TMC2: variants seen among roughly 807,000 people sequenced by gnomAD.
TMC2 encodes transmembrane channel like 2, also known as transmembrane channel-like protein 2.
Under a neutral mutation model 105.9 loss-of-function variants are expected in TMC2, and 102 were observed. The ratio of observed to expected loss-of-function variants is 0.96; its 90% confidence interval spans 0.82 to 1.14. The LOEUF (loss-of-function observed/expected upper bound fraction) is 1.14, where lower values mean the gene tolerates loss of function less well. Ranked by LOEUF, TMC2 falls within the 50% of genes most tolerant of loss-of-function variation. TMC2 has a pLI of 0.00. For missense variants in TMC2, 1,093 were observed against 1,134.3 expected, an observed-to-expected ratio of 0.96 and a Z score of 0.52; for synonymous variants, 402 against 422.8, an observed-to-expected ratio of 0.95 and a Z score of 0.60.
At chr20:2,634,980 C>T (rs764687955) in intron 17 of TMC2, among the ~76,000 whole-genome samples, 8 of 152,180 alleles carry the variant, frequency 5.3e-5, no homozygotes, top group Non-Finnish European at 1.0e-4. Context: ...GATGGCCTAG[C>T]CCTGAGGGGG....
At chr20:2,562,189 A>C (rs1009904917) in intron 4 of TMC2, among the ~76,000 whole-genome samples, 179 bp downstream of exon 4, 1 of 152,244 alleles carries the variant, frequency 6.6e-6, no homozygotes, top group Non-Finnish European at 1.5e-5. Context: ...CCAGCACCAC[A>C]GGGCCTAGAG....
chr20:2,604,933 T>C (rs2146227555), intron 11 of TMC2, among the ~76,000 whole-genome samples: 1 of 152,306 alleles, frequency 6.6e-6, no homozygotes, highest in African/African-American at 2.4e-5. Flanking sequence ...AATTAAATTG[T>C]TTTCCTGAAT....
At chr20:2,552,967 G>A (rs781106131) in intron 2 of TMC2, among the ~76,000 whole-genome samples, 4 of 152,166 alleles carry the variant, frequency 2.6e-5, no homozygotes, top group African/African-American at 4.8e-5. Flanking sequence ...TTGGTTCTAG[G>A]AGGTTCTTGT....
rs151008949 is a variant in TMC2 at position 2,643,271 on chromosome 20, T to G, written c.*1920T>G. ...CCTCAGTACAGGGATCCTGGCACTG[T>G]AACCCAACCAATCAGGACCAGAAGG... On this transcript the variant is annotated 3_prime_UTR_variant, in exon 20 of 20. Coordinates refer to ENST00000358864, the MANE Select transcript of TMC2 (RefSeq NM_080751.3). 2.6e-5 allele frequency among the ~76,000 whole-genome samples: 4 copies of G among 152,202 alleles called. No individual in the cohort carries two copies. Among genetic ancestry groups the G allele is most frequent in the African/African-American group, 9.6e-5 (4 of 41,522 alleles).
At chr20:2,549,016 T>C (rs1436404916) in intron 2 of TMC2, among the ~76,000 whole-genome samples, 1 of 152,198 alleles carries the variant, frequency 6.6e-6, no homozygotes, top group East Asian at 1.9e-4. Flanking sequence ...AATTAGTTCA[T>C]TTGCCAAATT....
At chr20:2,560,624 T>C (rs2086019319) in intron 3 of TMC2, among the ~76,000 whole-genome samples, 1 of 151,738 alleles carries the variant, frequency 6.6e-6, no homozygotes, top group Non-Finnish European at 1.5e-5. Flanking sequence ...GATCGCGAGG[T>C]CAGGAGATCG....
chr20:2,576,458 G>A (rs2086145110), intron 5 of TMC2, among the ~76,000 whole-genome samples: 1 of 152,180 alleles, frequency 6.6e-6, no homozygotes, highest in East Asian at 1.9e-4. Context: ...GGTTGCCAAG[G>A]AACCGACCGG....
chr20:2,589,338 T>C (rs2146208017), intron 7 of TMC2, among the ~76,000 whole-genome samples: 1 of 107,042 alleles, frequency 9.3e-6, no homozygotes, highest in East Asian at 3.3e-4. Context: ...ATGGGGTTTT[T>C]CCATGTTGCC....
chr20:2,602,113 G>GAATC lies in TMC2; in HGVS notation c.1229_1232dup (p.Val412AsnfsTer4). The GAATC allele has an allele frequency of 1.2e-6, 2 of 1,606,248 alleles. No individual in the cohort carries two copies. The highest frequency in any genetic ancestry group is 8.5e-7 in the Non-Finnish European group (1 of 1,175,814). ...GCACATCTCATTTTCACACATTAAG[G>GAATC]AATCAATAGTGGATGAACAAGAGAG... On this transcript the variant is annotated frameshift_variant and splice_region_variant, in exon 11 of 20. Coordinates refer to ENST00000358864, the MANE Select transcript of TMC2 (RefSeq NM_080751.3). LOFTEE classifies it high-confidence loss of function.
chr20:2,562,672 C>A (rs1319480573), intron 4 of TMC2, among the ~76,000 whole-genome samples: 2 of 152,150 alleles, frequency 1.3e-5, no homozygotes, highest in Admixed American at 6.5e-5. Flanking sequence ...TTTAAAATAA[C>A]AGTAGACTCA....
intron 16 of TMC2, among the ~76,000 whole-genome samples, chr20:2,619,036 G>A (rs1000289477): frequency 4.6e-5 from 7 of 152,078 alleles, no homozygotes; most frequent in African/African-American, 9.7e-5. Context: ...GGCCTCACCC[G>A]CCTCACTCTA....
rs1327828899 is a variant in TMC2 at position 2,592,186 on chromosome 20, A to G, written c.835-124A>G. The G allele has an allele frequency of 3.4e-6, 2 of 593,364 alleles. No individual in the cohort carries two copies. The highest frequency in any genetic ancestry group is 2.9e-5 in the Admixed American group (1 of 34,100). 36.8% of individuals were successfully genotyped at this position (593,364 alleles called of 1,614,324 possible). A position where few individuals can be genotyped will look rare whatever the true frequency, so the allele number is the denominator to read the frequency against. ...AAAAATGAATTAAATTAATAAATAC[A>G]TAAAGAAAGAAGAAAATAGGTGTAT... is the stretch of plus-strand genomic sequence containing the variant. On this transcript the variant is annotated intron_variant, in intron 7 of 19. Transcript: ENST00000358864. This position sits in a 1 kb window ranked among gnomAD's most constrained non-coding sequence, Gnocchi z 4.9.
intron 5 of TMC2, among the ~76,000 whole-genome samples, chr20:2,576,258 T>C (rs2086143532): frequency 6.6e-6 from 1 of 152,112 alleles, no homozygotes; most frequent in African/African-American, 2.4e-5. Flanking sequence ...AGCAACCACC[T>C]CACACAGGCC....
intron 14 of TMC2, chr20:2,613,582 T>TG (rs2086459594): frequency 2.3e-6 from 1 of 436,476 alleles, no homozygotes; most frequent in African/African-American, 2.0e-5. Flanking sequence ...TAGGGGAAAG[T>TG]GGACCACACA....
chr20:2,617,420 T>C (rs1600134338), intron 16 of TMC2, 109 bp downstream of exon 16: 3 of 1,437,808 alleles, frequency 2.1e-6, no homozygotes, highest in East Asian at 2.3e-5. Flanking sequence ...TAAAAGGCCA[T>C]GGAACTTTGG....
intron 2 of TMC2, among the ~76,000 whole-genome samples, chr20:2,542,969 G>A (rs1667591207): frequency 6.6e-6 from 1 of 152,032 alleles, no homozygotes; most frequent in Admixed American, 6.6e-5. Flanking sequence ...AGGCATGGTG[G>A]CACACACCTG....
intron 14 of TMC2, among the ~76,000 whole-genome samples, chr20:2,614,652 A>G (rs191956734): frequency 5.9e-5 from 9 of 152,268 alleles, no homozygotes; most frequent in Admixed American, 5.9e-4. Context: ...AAAACATATG[A>G]TAAAGCTATA....
At chr20:2,548,456 T>C (rs993102148) in intron 2 of TMC2, among the ~76,000 whole-genome samples, 1 of 151,856 alleles carries the variant, frequency 6.6e-6, no homozygotes, top group African/African-American at 2.4e-5. Context: ...CTGACCAACA[T>C]GGAGAAACCC....
chr20:2,606,323 G>A (rs910910986), intron 11 of TMC2, among the ~76,000 whole-genome samples: 1 of 152,100 alleles, frequency 6.6e-6, no homozygotes, highest in Non-Finnish European at 1.5e-5. Flanking sequence ...GCAGTGGCAC[G>A]ATCTTGGCTC....
Sources: gnomAD v4.1 joint callset for allele counts (sites outside exome capture counted in the v4.1 genomes callset) on GRCh38, gnomAD v4.1.1 for gene constraint, Gnocchi (gnomAD v3.1) non-coding constraint, MANE v1.5 for transcripts, NCBI Gene and HGNC (gene_info 2026-07-23, HGNC 2026-07-21) for gene names.